Variants in SLC38A10 observed in about 807,000 individuals in gnomAD.
The protein encoded by SLC38A10 is solute carrier family 38 member 10, also known as Sodium-coupled neutral amino acid transporter 10.
A neutral mutation model predicts 81.0 loss-of-function variants in SLC38A10; 53 were observed. That is an observed-to-expected ratio of 0.65 (90% CI 0.53 to 0.82). SLC38A10 has a LOEUF of 0.82. Ranked by LOEUF, SLC38A10 falls within the 40% of genes least tolerant of loss-of-function variation. The probability of loss-of-function intolerance (pLI) is 0.00; values close to 1 mark genes in which losing one functional copy is unlikely to be tolerated. For synonymous variants in SLC38A10, 665 were observed against 655.3 expected, an observed-to-expected ratio of 1.01 and a Z score of -0.23; for missense variants, 1,471 against 1,545.0, an observed-to-expected ratio of 0.95 and a Z score of 0.80.
intron 11 of SLC38A10, among the ~76,000 whole-genome samples, chr17:81,257,481 T>C (rs1013612398): frequency 6.6e-6 from 1 of 152,200 alleles, no homozygotes; most frequent in African/African-American, 2.4e-5. Context: ...GTTGCTGTCC[T>C]GAGATGGCAG....
Position 81,245,883 on chromosome 17 carries a change from C to A in SLC38A10, c.3033G>T (p.Glu1011Asp), listed in dbSNP as rs1309469847. The change falls in exon 16 of 16, where the codon GAG (glutamate) becomes GAT (aspartate). Residue 1011 changes from glutamate to aspartate, a missense_variant. Around this residue, in one of 2 missense-constraint regions of SLC38A10, gnomAD observed 751 missense variants for 717.4 expected, o/e 1.05. Coordinates refer to ENST00000374759, the MANE Select transcript of SLC38A10 (RefSeq NM_001037984.3). Reference protein sequence around the residue: ...PRGGEDAAVQEPRQRPEPELG... With the variant: ...PRGGEDAAVQDPRQRPEPELG... ...GCTCTGGCTCTGGCCTCTGCCTGGG[C>A]TCCTGGACAGCAGCGTCCTCCCCGC... 6.2e-7 allele frequency: 1 copy of A among 1,612,272 alleles called. No individual in the cohort carries two copies.
At chr17:81,258,038 C>T (rs1470680958) in intron 11 of SLC38A10, among the ~76,000 whole-genome samples, 1 of 152,234 alleles carries the variant, frequency 6.6e-6, no homozygotes, top group Non-Finnish European at 1.5e-5. Context: ...TTTGCAGGGA[C>T]TCAGCCATGC....
chr17:81,291,103 G>A (rs2063306262), intron 1 of SLC38A10, among the ~76,000 whole-genome samples: 1 of 152,228 alleles, frequency 6.6e-6, no homozygotes, highest in South Asian at 2.1e-4. Context: ...CGAGACGTCA[G>A]TCACGTGAAC....
rs763699653 is a variant in SLC38A10, at chr17:81,246,153, C to A, written c.2763G>T (p.Thr921=). The A allele has an allele frequency of 5.6e-6, 9 of 1,611,234 alleles. No individual in the cohort carries two copies. In the South Asian group the frequency reaches 9.9e-5, roughly 18 times the overall value. The change falls in exon 16 of 16, where the codon ACG becomes ACT. Residue 921 remains threonine, a synonymous_variant. Coordinates refer to ENST00000374759, the MANE Select transcript of SLC38A10 (RefSeq NM_001037984.3). ...GCTTGGGCTTCATGCGAGGGTCCCC[C>A]GTCTCTGCTCCTGGCCCTGCCACGA... ...NWLVAGPGAE[T]GDPRMKPKQV... is the part of the protein sequence containing the mutation.
intron 6 of SLC38A10, chr17:81,280,236 T>C (rs147182058): frequency 1.4e-5 from 6 of 430,468 alleles, no homozygotes; most frequent in African/African-American, 1.2e-4. Flanking sequence ...CTGAAGTCAA[T>C]GTTTGTGCCA....
intron 4 of SLC38A10, among the ~76,000 whole-genome samples, chr17:81,282,829 C>T (rs1266764361): frequency 6.6e-6 from 1 of 152,352 alleles, no homozygotes; most frequent in African/African-American, 2.4e-5. Flanking sequence ...GTACATTCCA[C>T]TCCTGGAGAG....
At chr17:81,280,242 T>C (rs2063198444) in intron 6 of SLC38A10, 3 of 432,244 alleles carry the variant, frequency 6.9e-6, no homozygotes, top group South Asian at 5.1e-5. Flanking sequence ...TCAATGTTTG[T>C]GCCATTTCCT....
chr17:81,249,561 G>A (rs1331849805), intron 14 of SLC38A10, among the ~76,000 whole-genome samples: 1 of 151,290 alleles, frequency 6.6e-6, no homozygotes, highest in Non-Finnish European at 1.5e-5. Context: ...AAGAGGGGGA[G>A]GGGGGAAGGA....
rs994296977 is a variant in SLC38A10 at position 81,265,773 on chromosome 17, G to A, written c.1131+5145C>T. ...ACGGCCTTGCGGTGCTGACATCTCC[G>A]TACCTAAGGAAACAGGGCATGCTGA... On this transcript the variant is annotated intron_variant, in intron 10 of 15. Coordinates refer to ENST00000374759, the MANE Select transcript of SLC38A10 (RefSeq NM_001037984.3). The surrounding 1 kb of genome is among the most constrained non-coding windows in gnomAD (Gnocchi z 4.2). 7.9e-5 allele frequency among the ~76,000 whole-genome samples: 12 copies of A among 152,224 alleles called. No individual in the cohort carries two copies. The highest frequency in any genetic ancestry group is 1.3e-4 in the Admixed American group (2 of 15,284).
Position 81,253,441 on chromosome 17 carries a change from G to T in SLC38A10, c.1289-201C>A, listed in dbSNP as rs911452555. On this transcript the variant is annotated intron_variant, in intron 11 of 15. Coordinates refer to ENST00000374759, the MANE Select transcript of SLC38A10 (RefSeq NM_001037984.3). The surrounding 1 kb of genome is among the most constrained non-coding windows in gnomAD (Gnocchi z 4.1). ...TCACAACAAAAATATGTCAAAATGC[G>T]ATTTACACCTAACTGGGGGCAGGGA... Among the ~76,000 whole-genome samples, 1 of 152,048 alleles carries T rather than the reference G, an allele frequency of 6.6e-6. No individual in the cohort carries two copies. Among genetic ancestry groups the T allele is most frequent in the South Asian group, 2.1e-4 (1 of 4,828 alleles).
At chr17:81,250,339 C>T (rs1031336638) in intron 14 of SLC38A10, among the ~76,000 whole-genome samples, 4 of 152,256 alleles carry the variant, frequency 2.6e-5, no homozygotes, top group African/African-American at 9.6e-5. Context: ...GCTGCAGGTG[C>T]AAGGAGGGCG....
chr17:81,260,420 G>A lies in SLC38A10; in HGVS notation c.1132-26C>T, dbSNP rs564506192. The A allele has an allele frequency of 9.9e-5, 158 of 1,596,240 alleles. 2 individuals carry two copies. The highest frequency in any genetic ancestry group is 6.5e-4 in the South Asian group (58 of 89,674). ...CTGAGGAGACAAAGACCCCAGGGGC[G>A]GGAGTCACAGCTGGCCCCCGCCCCT... On this transcript the variant is annotated intron_variant, in intron 10 of 15. Transcript: ENST00000374759.
chr17:81,251,534 ACGTCCC>A lies in SLC38A10; in HGVS notation c.2018_2023del (p.Arg673_Val675delinsMet). On this transcript the variant is annotated inframe_deletion, in exon 14 of 16. Coordinates refer to ENST00000374759, the MANE Select transcript of SLC38A10 (RefSeq NM_001037984.3). ...CGCCTGGTTTCCACCCGCTCGCTCC[ACGTCCC>A]TCTGCTCGCGAGGCTCGGGCGGCAG... The A allele has an allele frequency of 6.4e-7, 1 of 1,568,546 alleles. No homozygotes were observed. The highest frequency in any genetic ancestry group is 1.9e-5 in the Admixed American group (1 of 52,266).
chr17:81,251,480 G>C lies in SLC38A10; in HGVS notation c.2065+13C>G. 2 of 1,604,720 alleles carry C rather than the reference G, an allele frequency of 1.2e-6. No homozygotes were observed. The highest frequency in any genetic ancestry group is 1.7e-6 in the Non-Finnish European group (2 of 1,177,374). On this transcript the variant is annotated intron_variant, in intron 14 of 15. Coordinates refer to ENST00000374759, the MANE Select transcript of SLC38A10 (RefSeq NM_001037984.3). ...TGGGCCTGAGGCAGGCGGCTGTAGG[G>C]CGGAGGCCTTACCCTCCAGCTGGCT...
At chr17:81,269,507 T>A (rs932779821) in intron 10 of SLC38A10, among the ~76,000 whole-genome samples, 2 of 152,002 alleles carry the variant, frequency 1.3e-5, no homozygotes, top group African/African-American at 4.8e-5. Context: ...GGACGTGTAT[T>A]CTAATGTACA....
chr17:81,251,000 G>C, intron 14 of SLC38A10: 1 of 1,376,390 alleles, frequency 7.3e-7, no homozygotes, highest in Non-Finnish European at 9.4e-7. Context: ...TGTGGGAGCA[G>C]TGCTCTGGGC....
chr17:81,289,214 G>A lies in SLC38A10; in HGVS notation c.217+477C>T, dbSNP rs902165322. 3.3e-5 allele frequency among the ~76,000 whole-genome samples: 5 copies of A among 151,842 alleles called. No homozygotes were observed. The highest frequency in any genetic ancestry group is 6.6e-5 in the Admixed American group (1 of 15,244). ...TGCCACCATGTCTGGCTAATTTTTT[G>A]TATTTCTGGTAGAGATGGGGTTTCA... On this transcript the variant is annotated intron_variant, in intron 2 of 15. Coordinates refer to ENST00000374759, the MANE Select transcript of SLC38A10 (RefSeq NM_001037984.3). The surrounding 1 kb of genome is among the most constrained non-coding windows in gnomAD (Gnocchi z 5.9).
rs1057341351 is a variant in SLC38A10 at position 81,276,814 on chromosome 17, C to T, written c.729+217G>A. On this transcript the variant is annotated intron_variant, in intron 7 of 15. Transcript: ENST00000374759. The surrounding 1 kb of genome is among the most constrained non-coding windows in gnomAD (Gnocchi z 4.7). ...CTCAGGTCAGGAGAGCTTCCTGGCC[C>T]AGGGTGGACCCAGGCTCACAGGGCT... Among the ~76,000 whole-genome samples the T allele has an allele frequency of 6.6e-6, 1 of 152,242 alleles. No individual in the cohort carries two copies. Among genetic ancestry groups the T allele is most frequent in the East Asian group, 1.9e-4 (1 of 5,204 alleles).
At position 81,281,245 on chromosome 17, in the gene SLC38A10, C is replaced by T. The variant is rs867209671; in HGVS notation, c.502-512G>A. 4.6e-5 allele frequency among the ~76,000 whole-genome samples: 7 copies of T among 152,204 alleles called. No individual in the cohort carries two copies. Among genetic ancestry groups the T allele is most frequent in the Admixed American group, 2.0e-4 (3 of 15,286 alleles). On this transcript the variant is annotated intron_variant, in intron 5 of 15. Coordinates refer to ENST00000374759, the MANE Select transcript of SLC38A10 (RefSeq NM_001037984.3). The surrounding 1 kb of genome is among the most constrained non-coding windows in gnomAD (Gnocchi z 5.3). ...TGGAGACCCTGGCTTCAATGACCAC[C>T]TGGCCTCGTCCTGGTGCAAACCCGC...
Sources: gnomAD v4.1 joint callset for allele counts (sites outside exome capture counted in the v4.1 genomes callset) on GRCh38, gnomAD v4.1.1 for gene constraint, gnomAD v4.1.1 regional missense constraint, Gnocchi (gnomAD v3.1) non-coding constraint, MANE v1.5 for transcripts, NCBI Gene and HGNC (gene_info 2026-07-23, HGNC 2026-07-21) for gene names.